MAP2K4: variants seen among roughly 807,000 people sequenced by gnomAD.
MAP2K4 encodes mitogen-activated protein kinase kinase 4, also known as dual specificity mitogen-activated protein kinase kinase 4.
A neutral mutation model predicts 48.5 loss-of-function variants in MAP2K4; 4 were observed. The observed-to-expected ratio is 0.08, with a 90% CI of 0.04 to 0.19. The LOEUF (loss-of-function observed/expected upper bound fraction) is 0.19, where lower values mean the gene tolerates loss of function less well. Ranked by LOEUF, MAP2K4 falls within the 10% of genes least tolerant of loss-of-function variation. MAP2K4 has a pLI of 1.00. For missense variants in MAP2K4, 258 were observed against 493.3 expected, an observed-to-expected ratio of 0.52 and a Z score of 4.52; for synonymous variants, 166 against 173.1, an observed-to-expected ratio of 0.96 and a Z score of 0.32.
At chr17:12,039,765 T>A (rs1371058703) in intron 1 of MAP2K4, among the ~76,000 whole-genome samples, 1 of 152,228 alleles carries the variant, frequency 6.6e-6, no homozygotes, top group East Asian at 1.9e-4. Flanking sequence ...ACATTGTGTT[T>A]GGTTGATATG....
chr17:12,124,295 T>C (rs1253943475), intron 7 of MAP2K4: 1 of 152,170 alleles, frequency 6.6e-6, no homozygotes, highest in Non-Finnish European at 1.5e-5. Flanking sequence ...CTCTCTCTCT[T>C]CCCTTTTCCT....
chr17:12,093,346 C>G (rs1389378370), intron 3 of MAP2K4, among the ~76,000 whole-genome samples: 1 of 152,158 alleles, frequency 6.6e-6, no homozygotes, highest in Non-Finnish European at 1.5e-5. Context: ...GAGATTGTCT[C>G]AGTGTTAGGT....
At chr17:12,065,629 T>A (rs796926294) in intron 2 of MAP2K4, among the ~76,000 whole-genome samples, 8 of 152,256 alleles carry the variant, frequency 5.3e-5, no homozygotes, top group African/African-American at 1.7e-4. Flanking sequence ...AGAGATGGGG[T>A]TTCGCCATGT....
intron 1 of MAP2K4, among the ~76,000 whole-genome samples, chr17:12,040,250 T>G (rs932418517): frequency 1.3e-5 from 2 of 152,012 alleles, no homozygotes; most frequent in Non-Finnish European, 2.9e-5. Flanking sequence ...GCTTTGCAGA[T>G]AGTAGTTGTA....
Position 12,112,465 on chromosome 17 carries a change from CA to C in MAP2K4, c.686-748del, listed in dbSNP as rs11370279. ...GTAAAAAAGAGCGAGACTCTTGTCT[CA>C]AAAAAAAAAAAAAAAAAAAGCATGG... On this transcript the variant is annotated intron_variant, in intron 6 of 10. Coordinates refer to ENST00000353533, the MANE Select transcript of MAP2K4 (RefSeq NM_003010.4). Among the ~76,000 whole-genome samples the C allele has an allele frequency of 2.5e-3, 215 of 86,662 alleles. 1 individual carries two copies. Among genetic ancestry groups the C allele is most frequent in the African/African-American group, 7.8e-3 (157 of 20,192 alleles). The allele number at this position is 86,662 out of a possible 152,430, so 56.9% of individuals were successfully genotyped here. A position where few individuals can be genotyped will look rare whatever the true frequency, so the allele number is the denominator to read the frequency against.
intron 8 of MAP2K4, among the ~76,000 whole-genome samples, chr17:12,127,727 A>AATAACC (rs1427956980): frequency 6.6e-6 from 1 of 152,260 alleles, no homozygotes; most frequent in African/African-American, 2.4e-5. Context: ...TAATTCTGTG[A>AATAACC]ATAACCAGGA....
intron 3 of MAP2K4, chr17:12,082,084 C>CAGTTAAAG: frequency 2.8e-6 from 1 of 351,428 alleles, no homozygotes; most frequent in Non-Finnish European, 6.3e-6. Flanking sequence ...AAATGCATAC[C>CAGTTAAAG]TTGTGATAAT....
At chr17:12,127,299 C>T (rs1380682089) in intron 8 of MAP2K4, among the ~76,000 whole-genome samples, 3 of 152,178 alleles carry the variant, frequency 2.0e-5, no homozygotes, top group Non-Finnish European at 2.9e-5. Flanking sequence ...ACATGGATCT[C>T]GGGCATCTTT....
chr17:12,069,650 C>A (rs1314778115), intron 2 of MAP2K4: 20 of 983,354 alleles, frequency 2.0e-5, no homozygotes, highest in Non-Finnish European at 2.4e-5. Flanking sequence ...TTCCTTTTGC[C>A]TCATCTTAGA....
chr17:12,024,064 C>T, intron 1 of MAP2K4, among the ~76,000 whole-genome samples: 1 of 152,290 alleles, frequency 6.6e-6, no homozygotes, highest in East Asian at 1.9e-4. Flanking sequence ...TCCCACTGTT[C>T]TCTCTAACCT....
intron 2 of MAP2K4, among the ~76,000 whole-genome samples, chr17:12,078,972 A>G (rs1971100973): frequency 6.6e-6 from 1 of 152,344 alleles, no homozygotes; most frequent in East Asian, 1.9e-4. Context: ...TGGTGATGTC[A>G]TAACTGTGGC....
chr17:12,080,136 G>GT, intron 2 of MAP2K4, among the ~76,000 whole-genome samples: 1 of 152,284 alleles, frequency 6.6e-6, no homozygotes, highest in Non-Finnish European at 1.5e-5. Flanking sequence ...CAGAGTGGGG[G>GT]TAGATTTTAA....
At chr17:12,034,190 T>G (rs914654214) in intron 1 of MAP2K4, among the ~76,000 whole-genome samples, 5 of 152,240 alleles carry the variant, frequency 3.3e-5, no homozygotes, top group African/African-American at 1.2e-4. Context: ...ATAGTAAAAT[T>G]GTATATACAG....
chr17:12,069,593 A>G (rs1223916556), intron 2 of MAP2K4: 4 of 417,240 alleles, frequency 9.6e-6, no homozygotes, highest in African/African-American at 2.2e-5. Context: ...GAAATTTTCT[A>G]TTTAGAATGT....
chr17:12,083,854 A>T (rs1971273772), intron 3 of MAP2K4, among the ~76,000 whole-genome samples: 1 of 152,192 alleles, frequency 6.6e-6, no homozygotes. Flanking sequence ...GTTTGATTTG[A>T]GACTTTACGG....
At chr17:12,118,947 C>G (rs1972587568) in intron 7 of MAP2K4, among the ~76,000 whole-genome samples, 1 of 152,150 alleles carries the variant, frequency 6.6e-6, no homozygotes. Flanking sequence ...GATATCTGAC[C>G]TCCTTTTATA....
chr17:12,070,243 A>G (rs1452234119), intron 2 of MAP2K4, among the ~76,000 whole-genome samples: 1 of 151,828 alleles, frequency 6.6e-6, no homozygotes, highest in African/African-American at 2.4e-5. Context: ...GACATTGTCA[A>G]GTTTGAGAAA....
intron 2 of MAP2K4, among the ~76,000 whole-genome samples, chr17:12,075,887 C>G (rs1970984158): frequency 6.6e-6 from 1 of 152,104 alleles, no homozygotes; most frequent in Non-Finnish European, 1.5e-5. Context: ...CCATAGTATA[C>G]AAAGATACAA....
In MAP2K4 at chr17:12,054,771, A is replaced by G. The variant is rs1025044154; in HGVS notation, c.116-118A>G. 7 of 606,776 alleles carry G rather than the reference A, an allele frequency of 1.2e-5. No individual in the cohort carries two copies. The Admixed American group carries it at 1.7e-4, about 15-fold the overall frequency. 37.6% of individuals were successfully genotyped at this position (606,776 alleles called of 1,614,324 possible). On this transcript the variant is annotated intron_variant, in intron 1 of 10. Coordinates refer to ENST00000353533, the MANE Select transcript of MAP2K4 (RefSeq NM_003010.4). The stretch of plus-strand genomic sequence containing the variant: ...TCATTGCCTTTCAAAATATTGTCCT[A>G]TATTAACTGTTTGTTAAAGCAAGTT...
Sources: gnomAD v4.1 joint callset for allele counts (sites outside exome capture counted in the v4.1 genomes callset) on GRCh38, gnomAD v4.1.1 for gene constraint, MANE v1.5 for transcripts, NCBI Gene and HGNC (gene_info 2026-07-23, HGNC 2026-07-21) for gene names.